The following EXOC2 variants were observed in gnomAD, a reference collection of about 807,000 sequenced individuals.
EXOC2 encodes SEC5-like 1.
In EXOC2, 70 loss-of-function variants were observed where a neutral mutation model predicts 131.8. The ratio of observed to expected loss-of-function variants is 0.53; its 90% CI spans 0.44 to 0.65. The LOEUF (loss-of-function observed/expected upper bound fraction) is 0.65, where lower values mean the gene tolerates loss of function less well. EXOC2 is among the 30% of genes least tolerant of loss of function. The probability of loss-of-function intolerance (pLI) is 0.00; values close to 1 mark genes in which losing one functional copy is unlikely to be tolerated. For synonymous variants in EXOC2, 411 were observed against 398.4 expected (o/e 1.03, Z -0.38); for missense variants, 923 against 1,108.6 (o/e 0.83, Z 2.38).
intron 2 of EXOC2, among the ~76,000 whole-genome samples, chr6:634,237 T>G (rs896265198): frequency 6.6e-6 from 1 of 152,058 alleles, no homozygotes; most frequent in Non-Finnish European, 1.5e-5. Context: ...GGCTAGTTTT[T>G]TTGTTGTTGT....
chr6:507,053 G>C (rs28548275), intron 23 of EXOC2, among the ~76,000 whole-genome samples: 105,701 of 141,944 alleles, frequency 0.74, 39,285 homozygotes, highest in East Asian at 0.94. Context: ...CACACACACA[G>C]AGCAGTGATC....
At chr6:572,077 C>A (rs867661331) in intron 13 of EXOC2, among the ~76,000 whole-genome samples, 2 of 152,226 alleles carry the variant, frequency 1.3e-5, no homozygotes, top group African/African-American at 4.8e-5. Context: ...ATGTTTACAT[C>A]CTTTCCAAGG....
chr6:564,835 A>C, intron 14 of EXOC2, 29 bp downstream of exon 14: 1 of 1,595,952 alleles, frequency 6.3e-7, no homozygotes, highest in South Asian at 1.2e-5. Flanking sequence ...CCCTGTGAAA[A>C]GGTCTACATA....
At chr6:623,509 T>G (rs568429469) in intron 4 of EXOC2, among the ~76,000 whole-genome samples, 1 of 152,324 alleles carries the variant, frequency 6.6e-6, no homozygotes, top group African/African-American at 2.4e-5. Flanking sequence ...ATTTTCAAGA[T>G]GGTGAAATTC....
chr6:502,202 G>T (rs1279701488), intron 23 of EXOC2, among the ~76,000 whole-genome samples: 1 of 152,170 alleles, frequency 6.6e-6, no homozygotes, highest in African/African-American at 2.4e-5. Flanking sequence ...TATTTTCGAT[G>T]CTCTAAGGAA....
intron 22 of EXOC2, among the ~76,000 whole-genome samples, chr6:539,838 A>C (rs1014252056): frequency 6.6e-6 from 1 of 152,236 alleles, no homozygotes; most frequent in Non-Finnish European, 1.5e-5. Flanking sequence ...GGTTCAGACA[A>C]ATTAATTTTT....
chr6:510,812 T>A (rs1220346084), intron 23 of EXOC2, among the ~76,000 whole-genome samples: 1 of 152,244 alleles, frequency 6.6e-6, no homozygotes, highest in Non-Finnish European at 1.5e-5. Flanking sequence ...TGTTTGAATT[T>A]AGTTTTTTGT....
At chr6:617,859 A>G in intron 5 of EXOC2, 24 bp from the exon 6 acceptor site, 1 of 1,608,012 alleles carries the variant, frequency 6.2e-7, no homozygotes, top group Non-Finnish European at 8.5e-7. Context: ...AAGAAACCAA[A>G]GTTTGACACT....
intron 21 of EXOC2, among the ~76,000 whole-genome samples, chr6:552,128 G>C (rs534121235): frequency 1.3e-4 from 20 of 152,336 alleles, no homozygotes; most frequent in African/African-American, 4.8e-4. Context: ...AGCTATAGCA[G>C]AAAACACAGA....
chr6:688,246 G>A (rs554990269), intron 1 of EXOC2, among the ~76,000 whole-genome samples: 6 of 152,168 alleles, frequency 3.9e-5, no homozygotes, highest in African/African-American at 1.2e-4. Context: ...GATAAGAAGC[G>A]GGTACTGATG....
At chr6:607,383 T>C (rs1335585704) in intron 7 of EXOC2, among the ~76,000 whole-genome samples, 1 of 152,200 alleles carries the variant, frequency 6.6e-6, no homozygotes, top group Non-Finnish European at 1.5e-5. Flanking sequence ...AAAGCGAAGA[T>C]AACAGCACAA....
At chr6:672,590 C>T (rs1763922720) in intron 1 of EXOC2, among the ~76,000 whole-genome samples, 1 of 152,238 alleles carries the variant, frequency 6.6e-6, no homozygotes, top group Non-Finnish European at 1.5e-5. Flanking sequence ...TTGGGATGCT[C>T]TGTATCTGCC....
At chr6:566,433 G>A (rs2127588229) in intron 13 of EXOC2, among the ~76,000 whole-genome samples, 1 of 152,322 alleles carries the variant, frequency 6.6e-6, no homozygotes, top group Admixed American at 6.5e-5. Context: ...CCGCCTGAAG[G>A]AGAACCTACT....
chr6:560,887 TA>T (rs1049542189), intron 17 of EXOC2, among the ~76,000 whole-genome samples: 20 of 152,090 alleles, frequency 1.3e-4, no homozygotes, highest in African/African-American at 3.4e-4. Flanking sequence ...TTTGTATTTT[TA>T]GTAGAGACAG....
intron 17 of EXOC2, among the ~76,000 whole-genome samples, chr6:557,488 C>A (rs564613456): frequency 6.6e-6 from 1 of 151,504 alleles, no homozygotes; most frequent in East Asian, 1.9e-4. Flanking sequence ...CGTGGTGGCA[C>A]GCGCCTGTAG....
chr6:611,095 C>T (rs1483984839), intron 6 of EXOC2, among the ~76,000 whole-genome samples: 2 of 151,988 alleles, frequency 1.3e-5, no homozygotes, highest in Non-Finnish European at 2.9e-5. Flanking sequence ...AACTTCCTTC[C>T]CTCTCTGTAA....
chr6:599,581 C>T lies in EXOC2; in HGVS notation c.743-356G>A, dbSNP rs965032446. Among the ~76,000 whole-genome samples, 8 of 152,170 alleles carry T rather than the reference C, an allele frequency of 5.3e-5. No individual in the cohort carries two copies. In the South Asian group the frequency reaches 1.0e-3, roughly 20 times the overall value. On this transcript the variant is annotated intron_variant, in intron 7 of 27. Coordinates refer to ENST00000230449, the MANE Select transcript of EXOC2 (RefSeq NM_018303.6). ...TACAATAGGGTAAAACACACACATA[C>T]GCATGTATGTGCATACACGTGTACA... is the stretch of plus-strand genomic sequence containing the variant.
intron 1 of EXOC2, among the ~76,000 whole-genome samples, chr6:641,034 CAT>C (rs2127721281): frequency 6.6e-6 from 1 of 152,148 alleles, no homozygotes; most frequent in East Asian, 1.9e-4. Context: ...TCCAAAGACA[CAT>C]GACTTATACA....
At chr6:586,578 G>A (rs973883360) in intron 11 of EXOC2, among the ~76,000 whole-genome samples, 6 of 152,206 alleles carry the variant, frequency 3.9e-5, no homozygotes, top group African/African-American at 1.2e-4. Context: ...GCTAGTTTCA[G>A]GTGCAGCTCT....
Sources: gnomAD v4.1 joint callset for allele counts (sites outside exome capture counted in the v4.1 genomes callset) on GRCh38, gnomAD v4.1.1 for gene constraint, MANE v1.5 for transcripts, NCBI Gene and HGNC (gene_info 2026-07-23, HGNC 2026-07-21) for gene names.